Variants in EIF4E3 observed in about 807,000 individuals in gnomAD.
EIF4E3 encodes the protein eukaryotic translation initiation factor 4E type 3.
A neutral mutation model predicts 31.7 loss-of-function variants in EIF4E3; 26 were observed. The ratio of observed to expected loss-of-function variants is 0.82; its 90% confidence interval spans 0.60 to 1.14. EIF4E3 has a LOEUF of 1.14. Ranked by LOEUF, EIF4E3 falls within the 50% of genes most tolerant of loss-of-function variation. The pLI is 0.00. For synonymous variants in EIF4E3, 128 were observed against 107.7 expected (o/e 1.19, Z -1.17); for missense variants, 304 against 270.9 (o/e 1.12, Z -0.86).
intron 1 of EIF4E3, among the ~76,000 whole-genome samples, chr3:71,741,108 C>G (rs1285017716): frequency 6.6e-6 from 1 of 152,040 alleles, no homozygotes; most frequent in Non-Finnish European, 1.5e-5. Context: ...GCACTCTGGC[C>G]TGGGCAACAG....
chr3:71,715,693 T>G (rs1438191587), intron 1 of EIF4E3, among the ~76,000 whole-genome samples: 1 of 152,204 alleles, frequency 6.6e-6, no homozygotes, highest in Non-Finnish European at 1.5e-5. Flanking sequence ...TGCCCCTGGA[T>G]GGATCAGGTT....
upstream of EIF4E3, chr3:71,754,600 T>A: frequency 7.0e-7 from 1 of 1,436,940 alleles, no homozygotes; most frequent in Admixed American, 2.5e-5. The surrounding 1 kb of genome is among the most constrained non-coding windows in gnomAD (Gnocchi z 5.8). Context: ...CCCGGCGCGC[T>A]GGGCTTCCTG....
chr3:71,685,542 G>A (rs1170420289), intron 6 of EIF4E3, among the ~76,000 whole-genome samples: 1 of 151,854 alleles, frequency 6.6e-6, no homozygotes, highest in African/African-American at 2.4e-5. Flanking sequence ...TTGTATTTTT[G>A]GTAGAGATGG....
intron 2 of EIF4E3, among the ~76,000 whole-genome samples, chr3:71,703,120 C>A (rs2049241208): frequency 1.3e-5 from 2 of 152,096 alleles, no homozygotes; most frequent in Admixed American, 1.3e-4. Context: ...TCCCAAAAGC[C>A]TTGATAATCA....
At chr3:71,711,496 A>C (rs556576351) in intron 1 of EIF4E3, among the ~76,000 whole-genome samples, 1 of 152,270 alleles carries the variant, frequency 6.6e-6, no homozygotes, top group South Asian at 2.1e-4. Context: ...GCCCCCAAGG[A>C]CTCTCAGTAT....
At chr3:71,696,230 T>C (rs1045071949) in intron 4 of EIF4E3, among the ~76,000 whole-genome samples, 1 of 152,236 alleles carries the variant, frequency 6.6e-6, no homozygotes, top group African/African-American at 2.4e-5. Context: ...TCCTGCAGAC[T>C]GCATGATACA....
At chr3:71,672,697 C>T (rs1286749211), downstream of EIF4E3, among the ~76,000 whole-genome samples, 1 of 152,168 alleles carries the variant, frequency 6.6e-6, no homozygotes, top group African/African-American at 2.4e-5. Context: ...GCTGCAAAGT[C>T]CAGGTCAGCG....
intron 5 of EIF4E3, among the ~76,000 whole-genome samples, chr3:71,693,150 C>A (rs1336739629): frequency 6.6e-6 from 1 of 152,188 alleles, no homozygotes; most frequent in Non-Finnish European, 1.5e-5. Flanking sequence ...TCAGAAGGAA[C>A]TACCCCAAAA....
At chr3:71,672,338 T>A (rs746737707), downstream of EIF4E3, among the ~76,000 whole-genome samples, 3 of 152,194 alleles carry the variant, frequency 2.0e-5, no homozygotes, top group Admixed American at 1.3e-4. Flanking sequence ...GTGGAAACTT[T>A]GCTCTTGAGA....
the EIF4E3 span, among the ~76,000 whole-genome samples, chr3:71,665,066 C>A: frequency 6.6e-6 from 1 of 152,150 alleles, no homozygotes; most frequent in African/African-American, 2.4e-5. Flanking sequence ...GTTTCTCTCA[C>A]CTGCAATGAG....
chr3:71,669,351 TG>T, the EIF4E3 span, among the ~76,000 whole-genome samples: 2 of 152,110 alleles, frequency 1.3e-5, no homozygotes, highest in Non-Finnish European at 2.9e-5. Context: ...TGTATACCTA[TG>T]TAACAAACCT....
upstream of EIF4E3, chr3:71,753,909 C>T: frequency 2.1e-6 from 2 of 961,374 alleles, no homozygotes; most frequent in Middle Eastern, 5.2e-4. Context: ...CAGGAGGGGC[C>T]GGCCGGGAGC....
At chr3:71,748,307 G>A (rs2049893694) in intron 1 of EIF4E3, among the ~76,000 whole-genome samples, 1 of 152,178 alleles carries the variant, frequency 6.6e-6, no homozygotes, top group Non-Finnish European at 1.5e-5. Flanking sequence ...GGGTTCTGCA[G>A]GGCTGGCTAT....
intron 2 of EIF4E3, among the ~76,000 whole-genome samples, chr3:71,705,711 G>A (rs1207978923): frequency 6.6e-6 from 1 of 152,192 alleles, no homozygotes; most frequent in African/African-American, 2.4e-5. Context: ...CTGGAGAAGG[G>A]AGACTTCTCT....
chr3:71,742,947 A>G (rs368248992), intron 1 of EIF4E3, among the ~76,000 whole-genome samples: 103 of 152,304 alleles, frequency 6.8e-4, no homozygotes, highest in African/African-American at 2.3e-3. Flanking sequence ...TGATTTTAAA[A>G]CAAGCAAACA....
chr3:71,717,334 T>C (rs2049480707), intron 1 of EIF4E3, among the ~76,000 whole-genome samples: 1 of 152,230 alleles, frequency 6.6e-6, no homozygotes, highest in Admixed American at 6.5e-5. Flanking sequence ...TAAAATCTAA[T>C]GAACTACAGC....
At chr3:71,685,467 A>G (rs1204618654) in intron 6 of EIF4E3, among the ~76,000 whole-genome samples, 2 of 152,136 alleles carry the variant, frequency 1.3e-5, no homozygotes, top group Non-Finnish European at 2.9e-5. Flanking sequence ...GGTTCAAGCA[A>G]TTCTCCAGCC....
chr3:71,754,055 G>T, upstream of EIF4E3: 3 of 1,268,202 alleles, frequency 2.4e-6, no homozygotes, highest in South Asian at 1.7e-5. The surrounding 1 kb of genome is among the most constrained non-coding windows in gnomAD (Gnocchi z 5.8). Context: ...CCGCGATGGC[G>T]AACGCGAGCG....
At chr3:71,744,362 T>C (rs1332036426) in intron 1 of EIF4E3, among the ~76,000 whole-genome samples, 1 of 152,206 alleles carries the variant, frequency 6.6e-6, no homozygotes, top group East Asian at 1.9e-4. Flanking sequence ...TGGTCATAAT[T>C]GCCAACCCAG....
Sources: allele counts gnomAD v4.1 joint callset (sites outside exome capture counted in the v4.1 genomes callset), GRCh38; gene constraint gnomAD v4.1.1; non-coding constraint Gnocchi (gnomAD v3.1); transcripts MANE v1.5; gene names NCBI Gene and HGNC (gene_info 2026-07-23, HGNC 2026-07-21).